Variants in FRMPD1 observed in about 807,000 individuals in gnomAD.
FRMPD1 encodes the protein FERM and PDZ domain containing 1, also known as FERM and PDZ domain-containing protein 1.
Under a neutral mutation model 117.8 loss-of-function variants are expected in FRMPD1, and 76 were observed. The ratio of observed to expected loss-of-function variants is 0.65; its 90% CI spans 0.54 to 0.78. The LOEUF (loss-of-function observed/expected upper bound fraction) is 0.78, where lower values mean the gene tolerates loss of function less well. FRMPD1 is among the 30% of genes least tolerant of loss of function. The pLI is 0.00. For synonymous variants in FRMPD1, 783 were observed against 770.4 expected, an observed-to-expected ratio of 1.02 and a Z score of -0.27; for missense variants, 1,786 against 1,964.5, an observed-to-expected ratio of 0.91 and a Z score of 1.72.
At position 37,745,249 on chromosome 9, in the gene FRMPD1, G is replaced by C. The variant is rs747564590; in HGVS notation, c.3217G>C (p.Glu1073Gln). The change falls in exon 16 of 16, where the codon GAG becomes CAG. Residue 1073 changes from glutamate (E) to glutamine (Q), a missense_variant. Physicochemically the swap from Glu to Gln is conservative, Grantham distance 29. Coordinates refer to ENST00000377765, the MANE Select transcript of FRMPD1 (RefSeq NM_014907.3). ...ACAAGAAACTGCCCCCAAATACACA[G>C]AGCCTTTGTTGTCTCCTAGAGATGA... Reference protein sequence around the residue: ...HIQETAPKYTEPLLSPRDEPR... With the variant: ...HIQETAPKYTQPLLSPRDEPR... 1 of 1,612,840 alleles carries C rather than the reference G, an allele frequency of 6.2e-7. No individual in the cohort carries two copies. The highest frequency in any genetic ancestry group is 8.5e-7 in the Non-Finnish European group (1 of 1,178,818).
chr9:37,670,417 AT>A (rs761142885), intron 1 of FRMPD1, among the ~76,000 whole-genome samples: 28 of 152,250 alleles, frequency 1.8e-4, no homozygotes, highest in Non-Finnish European at 3.7e-4. Context: ...GGAGGACTTC[AT>A]GAAGACAGCA....
At chr9:37,722,493 C>T (rs576272732) in intron 6 of FRMPD1, among the ~76,000 whole-genome samples, 9 of 151,514 alleles carry the variant, frequency 5.9e-5, no homozygotes, top group East Asian at 1.9e-4. Flanking sequence ...CTGCAACCTC[C>T]GCCTTCCAGG....
Position 37,744,645 on chromosome 9 carries a change from G to A in FRMPD1, c.2613G>A (p.Arg871=). The change falls in exon 16 of 16, where the codon AGG becomes AGA. Residue 871 remains arginine, a synonymous_variant. Coordinates refer to ENST00000377765, the MANE Select transcript of FRMPD1 (RefSeq NM_014907.3). ...ESVDDVCYYD[R]EPYLALGAPS... Reference sequence around the variant, plus strand: ...TAGACGACGTGTGCTACTATGACAGGGAGCCCTACCTGGCCCTTGGTGCAC... The same window carrying A: ...TAGACGACGTGTGCTACTATGACAGAGAGCCCTACCTGGCCCTTGGTGCAC... 1 of 1,613,758 alleles carries A rather than the reference G, an allele frequency of 6.2e-7. No individual in the cohort carries two copies. The highest frequency in any genetic ancestry group is 8.5e-7 in the Non-Finnish European group (1 of 1,179,910).
chr9:37,697,369 C>T (rs1486704624), intron 2 of FRMPD1, among the ~76,000 whole-genome samples: 1 of 151,564 alleles, frequency 6.6e-6, no homozygotes, highest in Admixed American at 6.6e-5. Context: ...GGAGACCATT[C>T]TGGCTAACAC....
the FRMPD1 span, among the ~76,000 whole-genome samples, chr9:37,636,403 A>C: frequency 6.6e-6 from 1 of 152,148 alleles, no homozygotes; most frequent in East Asian, 1.9e-4. Flanking sequence ...CCTAGTTCCA[A>C]AGAAAGGTGT....
At chr9:37,725,562 C>T (rs573547196) in intron 7 of FRMPD1, among the ~76,000 whole-genome samples, 3 of 152,236 alleles carry the variant, frequency 2.0e-5, no homozygotes, top group East Asian at 3.8e-4. Context: ...ATGCTCTATT[C>T]TATTTCTTCC....
chr9:37,710,499 A>G (rs899721901), intron 4 of FRMPD1, among the ~76,000 whole-genome samples: 21 of 152,186 alleles, frequency 1.4e-4, no homozygotes, highest in African/African-American at 5.1e-4. Context: ...TACTATCTTG[A>G]TTATATGATT....
At chr9:37,633,614 G>A in the FRMPD1 span, among the ~76,000 whole-genome samples, 1 of 152,196 alleles carries the variant, frequency 6.6e-6, no homozygotes, top group African/African-American at 2.4e-5. Flanking sequence ...ATTCCCAGCA[G>A]TGTGGGAGGC....
Position 37,695,802 on chromosome 9 carries a change from G to A in FRMPD1, c.101+3060G>A, listed in dbSNP as rs574890648. ...CCACCTCTCTCTCCCTGGGACCCCC[G>A]CAAGGATCACTCACTTGCTTTTTCC... On this transcript the variant is annotated intron_variant, in intron 2 of 15. Transcript: ENST00000377765. 5.9e-5 allele frequency among the ~76,000 whole-genome samples: 9 copies of A among 152,152 alleles called. No homozygotes were observed. The East Asian group carries it at 9.7e-4, about 16-fold the overall frequency.
chr9:37,630,362 C>T, the FRMPD1 span, among the ~76,000 whole-genome samples: 1 of 151,834 alleles, frequency 6.6e-6, no homozygotes, highest in South Asian at 2.1e-4. Flanking sequence ...TTTTTCTTTT[C>T]GTTTCTTTTT....
Position 37,676,150 on chromosome 9 carries a change from T to C in FRMPD1, c.-4-16488T>C, listed in dbSNP as rs192712386. 4.6e-4 allele frequency among the ~76,000 whole-genome samples: 70 copies of C among 152,326 alleles called. No individual in the cohort carries two copies. In the Middle Eastern group the frequency reaches 0.014, roughly 30 times the overall value. On this transcript the variant is annotated intron_variant, in intron 1 of 15. Coordinates refer to ENST00000377765, the MANE Select transcript of FRMPD1 (RefSeq NM_014907.3). ...AGCATAGATATGGCTTTATGGCCTG[T>C]GGTTTATACTCACATTAAATCCAGA...
the FRMPD1 span, among the ~76,000 whole-genome samples, chr9:37,639,211 T>C: frequency 3.3e-5 from 5 of 152,386 alleles, no homozygotes; most frequent in South Asian, 1.0e-3. Flanking sequence ...ACACATTTCC[T>C]GTTCCATGTT....
chr9:37,673,644 A>T (rs1348481656), intron 1 of FRMPD1, among the ~76,000 whole-genome samples: 1 of 152,208 alleles, frequency 6.6e-6, no homozygotes, highest in Non-Finnish European at 1.5e-5. Context: ...CCTGCAGCAA[A>T]CTTTTGCCTG....
At chr9:37,699,901 A>ACG (rs1554664737) in intron 2 of FRMPD1, among the ~76,000 whole-genome samples, 6 of 148,370 alleles carry the variant, frequency 4.0e-5, no homozygotes, top group South Asian at 2.2e-4. Flanking sequence ...GTATGCATGC[A>ACG]CGCACACACA....
intron 1 of FRMPD1, among the ~76,000 whole-genome samples, chr9:37,661,142 G>A (rs1478858288): frequency 2.6e-5 from 4 of 152,214 alleles, no homozygotes; most frequent in Non-Finnish European, 4.4e-5. Context: ...CCCTGGAACT[G>A]CTGCCTGTTG....
chr9:37,705,998 A>G (rs924135647), intron 2 of FRMPD1, among the ~76,000 whole-genome samples: 1 of 149,642 alleles, frequency 6.7e-6, no homozygotes, highest in African/African-American at 2.5e-5. Context: ...TAAATAAATA[A>G]ATAAAAGATT....
the FRMPD1 span, among the ~76,000 whole-genome samples, chr9:37,619,852 G>A: frequency 5.3e-5 from 8 of 151,452 alleles, no homozygotes; most frequent in Admixed American, 2.6e-4. Context: ...GCTTGATATA[G>A]TGAAGGTGCT....
At chr9:37,663,988 T>G (rs565168341) in intron 1 of FRMPD1, among the ~76,000 whole-genome samples, 1 of 152,338 alleles carries the variant, frequency 6.6e-6, no homozygotes, top group South Asian at 2.1e-4. Context: ...AATCCACGGA[T>G]GCAGAAGCCC....
chr9:37,729,905 A>T (rs754741267), intron 8 of FRMPD1, 52 bp downstream of exon 8: 2 of 1,588,340 alleles, frequency 1.3e-6, no homozygotes, highest in Non-Finnish European at 1.7e-6. Context: ...GGCTGGCTGC[A>T]TACCTCAGCC....
Sources: gnomAD v4.1 joint callset for allele counts (sites outside exome capture counted in the v4.1 genomes callset) on GRCh38, gnomAD v4.1.1 for gene constraint, MANE v1.5 for transcripts, NCBI Gene and HGNC (gene_info 2026-07-23, HGNC 2026-07-21) for gene names.